The following MYT1L variants were observed in gnomAD, a reference collection of about 807,000 sequenced individuals.
MYT1L encodes myelin transcription factor 1 like, also known as myelin transcription factor 1-like protein.
Under a neutral mutation model 126.7 loss-of-function variants are expected in MYT1L, and 12 were observed. The observed-to-expected ratio is 0.09, with a 90% CI of 0.06 to 0.15. The LOEUF (loss-of-function observed/expected upper bound fraction) is 0.15, where lower values mean the gene tolerates loss of function less well. Among genes scored for constraint, MYT1L ranks in the 10% least tolerant of loss-of-function variants. The pLI is 1.00. For missense variants in MYT1L, 979 were observed against 1,585.2 expected, an observed-to-expected ratio of 0.62 and a Z score of 6.49; for synonymous variants, 541 against 604.2, an observed-to-expected ratio of 0.90 and a Z score of 1.53.
intron 10 of MYT1L, among the ~76,000 whole-genome samples, chr2:1,918,335 T>C (rs964195362): frequency 1.3e-5 from 2 of 152,212 alleles, no homozygotes; most frequent in Non-Finnish European, 2.9e-5. Context: ...AAACACTGTA[T>C]TTTTAGCCAG....
intron 1 of MYT1L, among the ~76,000 whole-genome samples, chr2:2,292,193 C>A (rs751787022): frequency 1.2e-4 from 19 of 152,146 alleles, no homozygotes; most frequent in Non-Finnish European, 2.6e-4. Flanking sequence ...TGACTGGGGG[C>A]GGGCGCAGGG....
At chr2:2,269,272 A>G (rs2095210138) in intron 2 of MYT1L, among the ~76,000 whole-genome samples, 1 of 152,218 alleles carries the variant, frequency 6.6e-6, no homozygotes, top group Non-Finnish European at 1.5e-5. Context: ...TTGAGATCAA[A>G]TTGTTACAGA....
intron 2 of MYT1L, among the ~76,000 whole-genome samples, chr2:2,261,791 A>G (rs1559488382): frequency 2.0e-5 from 3 of 152,230 alleles, no homozygotes; most frequent in Admixed American, 1.3e-4. Context: ...AGCCTAAGTC[A>G]GGGAATTTGT....
intron 8 of MYT1L, among the ~76,000 whole-genome samples, chr2:1,956,025 T>C (rs1220658289): frequency 1.3e-5 from 2 of 151,840 alleles, no homozygotes; most frequent in Non-Finnish European, 1.5e-5. Context: ...TAGATCTTCA[T>C]CATCCCTAGT....
chr2:1,915,089 A>C (rs1306087350), intron 11 of MYT1L, among the ~76,000 whole-genome samples: 1 of 152,056 alleles, frequency 6.6e-6, no homozygotes, highest in Non-Finnish European at 1.5e-5. Flanking sequence ...GAGCTCTCTG[A>C]GGGCCAGTAC....
chr2:2,239,551 A>T (rs901464465), intron 2 of MYT1L, among the ~76,000 whole-genome samples: 2 of 152,242 alleles, frequency 1.3e-5, no homozygotes, highest in South Asian at 4.1e-4. Context: ...TCAAACTCTG[A>T]AGTCGGGATG....
intron 5 of MYT1L, among the ~76,000 whole-genome samples, chr2:1,982,901 C>G (rs1000936695): frequency 6.6e-6 from 1 of 152,292 alleles, no homozygotes; most frequent in Middle Eastern, 3.4e-3. Flanking sequence ...AGCTAGTTTT[C>G]CTTTGTGGGC....
At chr2:1,993,078 T>A (rs1436849908) in intron 5 of MYT1L, among the ~76,000 whole-genome samples, 1 of 152,126 alleles carries the variant, frequency 6.6e-6, no homozygotes, top group Non-Finnish European at 1.5e-5. Context: ...ACCCACCAAG[T>A]TATCCTTAAA....
chr2:1,830,036 C>A (rs1043557729), intron 21 of MYT1L, among the ~76,000 whole-genome samples: 1 of 152,166 alleles, frequency 6.6e-6, no homozygotes, highest in African/African-American at 2.4e-5. Context: ...CAGGAAGGAA[C>A]AAAGGTCCCC....
intron 21 of MYT1L, among the ~76,000 whole-genome samples, chr2:1,812,096 A>G (rs895716355): frequency 3.3e-5 from 5 of 152,186 alleles, no homozygotes; most frequent in Non-Finnish European, 7.3e-5. Flanking sequence ...ATCTTCCTGC[A>G]GGTGTGTCTG....
At chr2:2,004,051 A>G (rs116108933) in intron 4 of MYT1L, among the ~76,000 whole-genome samples, 135 of 146,012 alleles carry the variant, frequency 9.2e-4, no homozygotes, top group African/African-American at 3.2e-3. Context: ...TCTTTCCTGC[A>G]TACTTTCCTG....
intron 2 of MYT1L, among the ~76,000 whole-genome samples, chr2:2,256,204 G>A (rs2094808086): frequency 6.6e-6 from 1 of 152,218 alleles, no homozygotes; most frequent in Non-Finnish European, 1.5e-5. Context: ...GCTGCTCAAA[G>A]AGGCGTGAGG....
chr2:2,271,834 G>A (rs2095269672), intron 2 of MYT1L, among the ~76,000 whole-genome samples: 1 of 152,168 alleles, frequency 6.6e-6, no homozygotes, highest in African/African-American at 2.4e-5. Context: ...GACATCCTTG[G>A]GTTTGAATTT....
intron 1 of MYT1L, among the ~76,000 whole-genome samples, chr2:2,302,671 AAAGTGGAAACCTGATCAAATTCTTGT>A (rs1237133588): frequency 6.6e-6 from 1 of 152,214 alleles, no homozygotes; most frequent in Non-Finnish European, 1.5e-5. Flanking sequence ...GATCGAACAA[AAAGTGGAAACCTGATCAAATTCTTGT>A]AACTCTTAGA....
intron 21 of MYT1L, chr2:1,825,924 G>A (rs2039259200): frequency 6.6e-6 from 1 of 152,240 alleles, no homozygotes; most frequent in African/African-American, 2.4e-5. Flanking sequence ...CCCATGATGG[G>A]GTGACATCCT....
chr2:1,995,750 C>A (rs2061785386), intron 5 of MYT1L, among the ~76,000 whole-genome samples: 1 of 152,152 alleles, frequency 6.6e-6, no homozygotes, highest in African/African-American at 2.4e-5. Context: ...GACAACACTG[C>A]CTGGGCTTGG....
At chr2:1,863,675 C>G (rs888081314) in intron 18 of MYT1L, among the ~76,000 whole-genome samples, 1 of 150,000 alleles carries the variant, frequency 6.7e-6, no homozygotes, top group Non-Finnish European at 1.5e-5. Context: ...CGGTATGTGC[C>G]GATTGTATTC....
chr2:1,835,909 T>C (rs967539033), intron 21 of MYT1L, among the ~76,000 whole-genome samples: 14 of 152,164 alleles, frequency 9.2e-5, no homozygotes, highest in Admixed American at 9.2e-4. Flanking sequence ...ACGTGAATAC[T>C]GATACCCGGG....
At chr2:2,107,549 G>A (rs529315718) in intron 3 of MYT1L, among the ~76,000 whole-genome samples, 7 of 152,272 alleles carry the variant, frequency 4.6e-5, no homozygotes, top group African/African-American at 1.2e-4. Context: ...CATTGATCCC[G>A]AAAGGTAGGA....
Sources: gnomAD v4.1 joint callset for allele counts (sites outside exome capture counted in the v4.1 genomes callset) on GRCh38, gnomAD v4.1.1 for gene constraint, MANE v1.5 for transcripts, NCBI Gene and HGNC (gene_info 2026-07-23, HGNC 2026-07-21) for gene names.